ATRNL1: variants seen among roughly 807,000 people sequenced by gnomAD.
The protein encoded by ATRNL1 is attractin-like protein 1.
A neutral mutation model predicts 182.7 loss-of-function variants in ATRNL1; 95 were observed. That is an observed-to-expected ratio of 0.52 (90% CI 0.44 to 0.62). The LOEUF is 0.62. ATRNL1 is among the 20% of genes least tolerant of loss of function. The probability of loss-of-function intolerance (pLI) is 0.00; values close to 1 mark genes in which losing one functional copy is unlikely to be tolerated. For missense variants in ATRNL1, 1,471 were observed against 1,679.5 expected, an observed-to-expected ratio of 0.88 and a Z score of 2.17; for synonymous variants, 576 against 568.3, an observed-to-expected ratio of 1.01 and a Z score of -0.19.
intron 27 of ATRNL1, among the ~76,000 whole-genome samples, chr10:115,740,283 T>G (rs1232613476): frequency 6.6e-6 from 1 of 152,200 alleles, no homozygotes; most frequent in Non-Finnish European, 1.5e-5. Flanking sequence ...TTTTCTTATA[T>G]TCACACTTGA....
intron 28 of ATRNL1, among the ~76,000 whole-genome samples, chr10:115,852,908 C>G (rs116398747): frequency 6.6e-6 from 1 of 152,094 alleles, no homozygotes; most frequent in African/African-American, 2.4e-5. Context: ...GGAAGAAGCC[C>G]GTGAACTCAT....
At chr10:115,354,987 C>A (rs1856438459) in intron 19 of ATRNL1, among the ~76,000 whole-genome samples, 5 of 151,980 alleles carry the variant, frequency 3.3e-5, no homozygotes, top group Admixed American at 2.0e-4. Flanking sequence ...AGTCAGTTGA[C>A]TTTTTCAGCT....
At chr10:115,201,236 G>T (rs370998035) in intron 8 of ATRNL1, among the ~76,000 whole-genome samples, 2,863 of 151,796 alleles carry the variant, frequency 0.019, 89 homozygotes, top group African/African-American at 0.065. Context: ...TTAGTTTAAT[G>T]AGATCCCATT....
intron 26 of ATRNL1, among the ~76,000 whole-genome samples, chr10:115,668,267 C>T (rs1236694233): frequency 6.6e-6 from 1 of 152,078 alleles, no homozygotes; most frequent in Non-Finnish European, 1.5e-5. Context: ...TGCCTGTTTA[C>T]CCCAGTGGGG....
At chr10:115,733,808 G>A (rs1049071897) in intron 27 of ATRNL1, among the ~76,000 whole-genome samples, 19 of 151,920 alleles carry the variant, frequency 1.3e-4, no homozygotes, top group African/African-American at 4.4e-4. Flanking sequence ...TTAATATTCT[G>A]ATTATGTAAA....
At chr10:115,109,487 A>G (rs1465908404) in intron 1 of ATRNL1, among the ~76,000 whole-genome samples, 1 of 152,212 alleles carries the variant, frequency 6.6e-6, no homozygotes, top group Non-Finnish European at 1.5e-5. Flanking sequence ...TCATCCTTTT[A>G]TAAGGAACTC....
At chr10:115,247,174 T>C (rs1162862964) in intron 10 of ATRNL1, among the ~76,000 whole-genome samples, 2 of 151,876 alleles carry the variant, frequency 1.3e-5, no homozygotes, top group East Asian at 3.9e-4. Context: ...TCATATAAAA[T>C]AAAAAGCTTT....
At chr10:115,218,426 T>C (rs1849314093) in intron 9 of ATRNL1, among the ~76,000 whole-genome samples, 2 of 152,216 alleles carry the variant, frequency 1.3e-5, no homozygotes, top group Admixed American at 6.5e-5. Flanking sequence ...GCTACTGTCA[T>C]TTGCGATCTC....
intron 27 of ATRNL1, among the ~76,000 whole-genome samples, chr10:115,823,838 T>G (rs1473132549): frequency 6.6e-6 from 1 of 152,108 alleles, no homozygotes; most frequent in Non-Finnish European, 1.5e-5. Context: ...ATATTGTGAA[T>G]ATGGCCATAC....
chr10:115,117,721 G>A (rs1844554315), intron 1 of ATRNL1, among the ~76,000 whole-genome samples: 2 of 151,984 alleles, frequency 1.3e-5, no homozygotes, highest in African/African-American at 2.4e-5. Context: ...ATACCCAACA[G>A]TGGGATTGCT....
chr10:115,535,701 C>T (rs1554990007), intron 25 of ATRNL1, among the ~76,000 whole-genome samples: 1 of 152,052 alleles, frequency 6.6e-6, no homozygotes, highest in African/African-American at 2.4e-5. Flanking sequence ...TTAGAGTTTC[C>T]AGTTTTTCTG....
intron 5 of ATRNL1, among the ~76,000 whole-genome samples, chr10:115,129,953 TC>T (rs1845150871): frequency 6.6e-6 from 1 of 152,182 alleles, no homozygotes; most frequent in Non-Finnish European, 1.5e-5. Flanking sequence ...GAAACTTATT[TC>T]TTAGGAAAGG....
At chr10:115,318,126 C>A (rs1470697284) in intron 18 of ATRNL1, among the ~76,000 whole-genome samples, 1 of 152,068 alleles carries the variant, frequency 6.6e-6, no homozygotes, top group Non-Finnish European at 1.5e-5. Context: ...TTATCAAAGG[C>A]CTTTTCTGCA....
chr10:115,724,607 A>T (rs1488201421), intron 26 of ATRNL1, among the ~76,000 whole-genome samples: 1 of 152,186 alleles, frequency 6.6e-6, no homozygotes, highest in African/African-American at 2.4e-5. Flanking sequence ...TAATTAGATT[A>T]TGATCCAATT....
chr10:115,259,948 A>G (rs927967337), intron 10 of ATRNL1, among the ~76,000 whole-genome samples: 1 of 152,332 alleles, frequency 6.6e-6, no homozygotes, highest in Admixed American at 6.5e-5. Context: ...ATTTTATTGA[A>G]CAGCACAAAT....
chr10:115,638,081 C>T (rs977600990), intron 26 of ATRNL1, among the ~76,000 whole-genome samples: 1 of 152,140 alleles, frequency 6.6e-6, no homozygotes, highest in Non-Finnish European at 1.5e-5. Context: ...TCACTACTCA[C>T]TCACTGACAC....
chr10:115,567,134 T>G (rs1854118642), intron 26 of ATRNL1, among the ~76,000 whole-genome samples: 1 of 152,188 alleles, frequency 6.6e-6, no homozygotes. Flanking sequence ...GTTTTCAAAC[T>G]GAACATTTCT....
At chr10:115,607,445 T>C (rs1555017893) in intron 26 of ATRNL1, among the ~76,000 whole-genome samples, 1 of 151,878 alleles carries the variant, frequency 6.6e-6, no homozygotes, top group Non-Finnish European at 1.5e-5. Flanking sequence ...AGTAATTGTG[T>C]CTTATTTACA....
At chr10:115,350,334 CAAAAAAAAAAAGAA>C (rs1238765789) in intron 19 of ATRNL1, among the ~76,000 whole-genome samples, 2 of 29,734 alleles carry the variant, frequency 6.7e-5, no homozygotes, top group African/African-American at 3.5e-4. Flanking sequence ...GACTCTGTCT[CAAAAAAAAAAAGAA>C]AAAAAAAAAA....
Sources: gnomAD v4.1 joint callset for allele counts (sites outside exome capture counted in the v4.1 genomes callset) on GRCh38, gnomAD v4.1.1 for gene constraint, MANE v1.5 for transcripts, NCBI Gene and HGNC (gene_info 2026-07-23, HGNC 2026-07-21) for gene names.